F8: variants seen among roughly 807,000 people sequenced by gnomAD.
F8 encodes the protein coagulation factor VIII.
Under a neutral mutation model 140.6 loss-of-function variants are expected in F8, and 12 were observed. The observed-to-expected ratio is 0.09, with a 90% CI of 0.05 to 0.14. The LOEUF (loss-of-function observed/expected upper bound fraction) is 0.14, where lower values mean the gene tolerates loss of function less well. F8 is among the 10% of genes least tolerant of loss of function. The pLI is 1.00. For synonymous variants in F8, 585 were observed against 614.6 expected, an observed-to-expected ratio of 0.95 and a Z score of 0.71; for missense variants, 1,354 against 1,720.7, an observed-to-expected ratio of 0.79 and a Z score of 3.77.
intron 7 of F8, among the ~76,000 whole-genome samples, chrX:154,968,197 C>T (rs1274326888): frequency 1.8e-5 from 2 of 111,540 alleles, no homozygotes; most frequent in Admixed American, 9.5e-5. Context: ...GCGTTCCACC[C>T]TCATGAATGG....
intron 25 of F8, among the ~76,000 whole-genome samples, chrX:154,851,473 T>C (rs1268832827): frequency 1.8e-5 from 2 of 112,019 alleles, no homozygotes; most frequent in Non-Finnish European, 3.8e-5. Flanking sequence ...CCAAAATATT[T>C]TCTACAGTGG....
chrX:154,997,703 C>T (rs2073625009), intron 2 of F8, among the ~76,000 whole-genome samples: 1 of 111,936 alleles, frequency 8.9e-6, no homozygotes, highest in Non-Finnish European at 1.9e-5. Flanking sequence ...AGAGGAGTAA[C>T]AGAAAATATG....
chrX:154,993,176 T>G (rs2073598226), intron 3 of F8, 28 bp from the exon 4 acceptor site: 1 of 1,138,173 alleles, frequency 8.8e-7, no homozygotes. Context: ...AAAATTGTCC[T>G]TTCTATATCC....
intron 1 of F8, among the ~76,000 whole-genome samples, chrX:155,002,445 G>A (rs2073651561): frequency 9.0e-6 from 1 of 111,658 alleles, no homozygotes; most frequent in South Asian, 3.8e-4. Flanking sequence ...ATGTGGGTGG[G>A]CATTATCCAT....
intron 4 of F8, among the ~76,000 whole-genome samples, chrX:154,988,898 C>T (rs1454371356): frequency 8.9e-6 from 1 of 111,868 alleles, no homozygotes; most frequent in African/African-American, 3.3e-5. Context: ...ACTATTTATC[C>T]TTGTCATCCT....
At chrX:154,970,216 T>C (rs1276717097) in intron 6 of F8, among the ~76,000 whole-genome samples, 2 of 112,256 alleles carry the variant, frequency 1.8e-5, no homozygotes, top group Non-Finnish European at 3.8e-5. Flanking sequence ...AATTCATTCA[T>C]TCCTCATAAC....
intron 13 of F8, among the ~76,000 whole-genome samples, chrX:154,933,637 T>G: frequency 8.9e-6 from 1 of 111,899 alleles, no homozygotes; most frequent in Admixed American, 9.5e-5. Context: ...AAACATGCAA[T>G]CTATAAATAT....
intron 23 of F8, among the ~76,000 whole-genome samples, chrX:154,862,172 G>A (rs782300374): frequency 3.6e-5 from 4 of 110,415 alleles, no homozygotes; most frequent in South Asian, 3.9e-4. Flanking sequence ...GACTACAGGC[G>A]CACACCACCA....
Position 154,928,985 on chromosome X carries a change from T to C in F8, c.4805A>G (p.Gln1602Arg), listed in dbSNP as rs1557278336. Residue 1602 changes from glutamine to arginine, a missense_variant, in exon 14 of 26, where the codon CAA (glutamine) becomes CGA (arginine). Gln to Arg is a conservative substitution (Grantham distance 43, BLOSUM62 1). This residue lies in a region of F8 where 658 missense variants were observed against 666.5 expected (regional missense o/e 0.99). Transcript: ENST00000360256. ...AGCTGTTTTTTCTGGTGACTTCTCT[T>C]GGGATTTCCACTCTTCTTTTGGTAT... ...TQIPKEEWKS[Q>R]EKSPEKTAFK... is the part of the protein sequence containing the mutation. 1 of 1,212,023 alleles carries C rather than the reference T, an allele frequency of 8.3e-7. No individual in the cohort carries two copies. The highest frequency in any genetic ancestry group is 3.0e-5 in the East Asian group (1 of 33,869).
In F8 at chrX:154,928,877, T is replaced by A; in HGVS notation, c.4913A>T (p.Lys1638Met). ...AIAAINEGQNKPEIEVTWAKQ... is the reference protein window; with the variant it reads ...AIAAINEGQNMPEIEVTWAKQ... ...TGCCCAGGTGACTTCTATTTCGGGC[T>A]TATTTTGTCCCTCATTTATTGCTGC... The change falls in exon 14 of 26, where the codon AAG (lysine) becomes ATG (methionine). Residue 1638 changes from lysine (K) to methionine (M), a missense_variant. By Grantham distance (95) the Lys-to-Met change is moderately conservative (BLOSUM62 -1). Transcript: ENST00000360256. 8.3e-7 allele frequency: 1 copy of A among 1,212,029 alleles called. No individual in the cohort carries two copies. Among genetic ancestry groups the A allele is most frequent in the Non-Finnish European group, 1.1e-6 (1 of 895,584 alleles).
At chrX:154,840,105 A>G (rs980847705) in intron 25 of F8, among the ~76,000 whole-genome samples, 16 of 111,856 alleles carry the variant, frequency 1.4e-4, no homozygotes, top group African/African-American at 4.2e-4. Flanking sequence ...ATGTCCACCT[A>G]ATCTCTATAT....
chrX:154,986,600 A>G (rs2073559709), intron 5 of F8, among the ~76,000 whole-genome samples: 1 of 111,740 alleles, frequency 8.9e-6, no homozygotes, highest in South Asian at 3.8e-4. Flanking sequence ...AAACTGAAGT[A>G]TTGTAGAGGC....
In F8 at chrX:154,930,136, T is replaced by C. The variant is rs782618660; in HGVS notation, c.3654A>G (p.Glu1218=). Residue 1218 remains glutamate, a synonymous_variant, in exon 14 of 26, where the codon GAA becomes GAG. Transcript: ENST00000360256. Reference sequence around the variant, plus strand: ...TCTCTTGGATTAATGTTTCCTTCTTTTCTATTTCTTCCTGAATTTTTTTTT... The same window carrying C: ...TCTCTTGGATTAATGTTTCCTTCTTCTCTATTTCTTCCTGAATTTTTTTTT... ...NQEKKIQEEI[E]KKETLIQENV... 2 of 1,206,926 alleles carry C rather than the reference T, an allele frequency of 1.7e-6. No homozygotes were observed. Among genetic ancestry groups the C allele is most frequent in the Non-Finnish European group, 2.2e-6 (2 of 893,430 alleles).
rs1166775767 is a variant in F8, at chrX:154,860,658, C to A, written c.6724-50G>T. ...TAGCCTCTTGGTCACCATTTACTCC[C>A]AGAAATTCCCAAATCCCTCTTAACC... On this transcript the variant is annotated intron_variant, in intron 24 of 25. Coordinates refer to ENST00000360256, the MANE Select transcript of F8 (RefSeq NM_000132.4). 2.7e-6 allele frequency: 3 copies of A among 1,109,981 alleles called. No individual in the cohort carries two copies. The African/African-American group carries it at 5.4e-5, about 20-fold the overall frequency. The allele number at this position is 1,109,981 out of a possible 1,213,427, so 91.5% of individuals were successfully genotyped here.
Position 154,930,539 on chromosome X carries a change from G to A in F8, c.3251C>T (p.Ser1084Leu). The A allele has an allele frequency of 8.3e-7, 1 of 1,210,792 alleles. No individual in the cohort carries two copies. Among genetic ancestry groups the A allele is most frequent in the Non-Finnish European group, 1.1e-6 (1 of 894,779 alleles). The stretch of plus-strand genomic sequence containing the variant: ...GTTTTTTGATGAAGTAGTTTTATTT[G>A]ACATATGATTTAGCCTCAAAGCTGT... ...NATALRLNHM[S>L]NKTTSSKNME... The change falls in exon 14 of 26, where the codon TCA becomes TTA. Residue 1084 changes from serine to leucine, a missense_variant. Ser to Leu is a moderately radical substitution (Grantham distance 145, BLOSUM62 -2). Coordinates refer to ENST00000360256, the MANE Select transcript of F8 (RefSeq NM_000132.4).
At chrX:155,004,502 C>T (rs1557285936) in intron 1 of F8, among the ~76,000 whole-genome samples, 1 of 111,922 alleles carries the variant, frequency 8.9e-6, no homozygotes, top group African/African-American at 3.3e-5. Context: ...CCAATTCTTA[C>T]AAAATGGATG....
At chrX:154,848,429 C>T in intron 25 of F8, among the ~76,000 whole-genome samples, 1 of 112,987 alleles carries the variant, frequency 8.9e-6, no homozygotes, top group Non-Finnish European at 1.9e-5. Context: ...CTGCGGTGGG[C>T]TCCACCAAGT....
intron 13 of F8, among the ~76,000 whole-genome samples, chrX:154,941,404 C>A (rs1165060818): frequency 9.0e-6 from 1 of 110,914 alleles, no homozygotes; most frequent in Admixed American, 9.6e-5. Context: ...CAACAAAGAT[C>A]AAAAGAGACA....
rs1380304925 is a variant in F8 at position 154,861,888 on chromosome X, G to A, written c.6575-22C>T. 5.8e-6 allele frequency: 7 copies of A among 1,208,225 alleles called. No homozygotes were observed. In the African/African-American group the frequency reaches 1.2e-4, roughly 21 times the overall value. ...CAACCTCAAAGAAAAGAAAAAAGAA[G>A]GTTATCACAAGGACATGCTTCAGCC... On this transcript the variant is annotated intron_variant, in intron 23 of 25. Transcript: ENST00000360256.
Sources: allele counts gnomAD v4.1 joint callset (sites outside exome capture counted in the v4.1 genomes callset), GRCh38; gene constraint gnomAD v4.1.1; regional missense constraint gnomAD v4.1.1; transcripts MANE v1.5; gene names NCBI Gene and HGNC (gene_info 2026-07-23, HGNC 2026-07-21).